Variants in SORCS1 observed in about 807,000 individuals in gnomAD.
SORCS1 encodes the protein VPS10 domain-containing receptor SorCS1.
SORCS1 carries 60 observed loss-of-function variants against 146.1 expected under a neutral mutation model. The ratio of observed to expected loss-of-function variants is 0.41; its 90% CI spans 0.33 to 0.51. The LOEUF is 0.51. SORCS1 is among the 20% of genes least tolerant of loss of function. SORCS1 has a pLI of 0.21. For synonymous variants in SORCS1, 637 were observed against 584.0 expected (o/e 1.09, Z -1.31); for missense variants, 1,352 against 1,487.6 (o/e 0.91, Z 1.50).
In SORCS1 at chr10:107,060,093, A is replaced by G. The variant is rs778912659; in HGVS notation, c.559-103513T>C. Among the ~76,000 whole-genome samples the G allele has an allele frequency of 1.6e-4, 24 of 152,058 alleles. No individual in the cohort carries two copies. Among genetic ancestry groups the G allele is most frequent in the Non-Finnish European group, 2.6e-4 (18 of 68,004 alleles). Reference sequence around the variant, plus strand: ...CATTGATAGCACATAGCTGTACTCTAGCTGACAAATCGCCTGCCAGACCTC... The same window carrying G: ...CATTGATAGCACATAGCTGTACTCTGGCTGACAAATCGCCTGCCAGACCTC... On this transcript the variant is annotated intron_variant, in intron 1 of 25. Coordinates refer to ENST00000263054, the MANE Select transcript of SORCS1 (RefSeq NM_052918.5). This position sits in a 1 kb window ranked among gnomAD's most constrained non-coding sequence, Gnocchi z 4.1.
chr10:106,875,324 G>A (rs1950556165), intron 2 of SORCS1, among the ~76,000 whole-genome samples: 1 of 152,188 alleles, frequency 6.6e-6, no homozygotes, highest in African/African-American at 2.4e-5. Context: ...TAGTATCCCA[G>A]GATGTATATA....
chr10:107,117,566 G>A (rs1218363474), intron 1 of SORCS1, among the ~76,000 whole-genome samples: 1 of 152,142 alleles, frequency 6.6e-6, no homozygotes, highest in Non-Finnish European at 1.5e-5. Flanking sequence ...CTTCCCTAGT[G>A]GGCCTAGAAG....
At chr10:106,963,632 A>C (rs890048645) in intron 1 of SORCS1, among the ~76,000 whole-genome samples, 5 of 152,078 alleles carry the variant, frequency 3.3e-5, no homozygotes, top group African/African-American at 1.2e-4. Flanking sequence ...ATAAAACAAT[A>C]AATATAACTT....
intron 2 of SORCS1, among the ~76,000 whole-genome samples, chr10:106,854,575 T>G (rs1383346514): frequency 1.3e-5 from 2 of 151,702 alleles, no homozygotes; most frequent in African/African-American, 4.8e-5. Context: ...ATTGAGCATT[T>G]TATACGAATT....
At chr10:107,019,744 G>A (rs948012498) in intron 1 of SORCS1, among the ~76,000 whole-genome samples, 2 of 152,268 alleles carry the variant, frequency 1.3e-5, no homozygotes, top group African/African-American at 4.8e-5. Context: ...TCCAACAGCA[G>A]GTATCTGTCA....
At chr10:106,668,298 A>G (rs1455619097) in intron 16 of SORCS1, among the ~76,000 whole-genome samples, 1 of 152,196 alleles carries the variant, frequency 6.6e-6, no homozygotes, top group Non-Finnish European at 1.5e-5. Context: ...TACACTCCAT[A>G]TGCTTCAAAG....
chr10:107,072,749 GAA>G (rs11330632), intron 1 of SORCS1, among the ~76,000 whole-genome samples: 3 of 131,042 alleles, frequency 2.3e-5, no homozygotes, highest in Admixed American at 7.7e-5. Context: ...AATTAAAAAA[GAA>G]AAAAAAAAGA....
intron 2 of SORCS1, among the ~76,000 whole-genome samples, chr10:106,906,870 A>G (rs1274368085): frequency 6.6e-6 from 1 of 152,238 alleles, no homozygotes; most frequent in Admixed American, 6.5e-5. Context: ...CACCCAGGGA[A>G]GGGGCTGAGT....
intron 18 of SORCS1, among the ~76,000 whole-genome samples, chr10:106,650,408 T>A (rs1041928559): frequency 6.6e-6 from 1 of 152,228 alleles, no homozygotes; most frequent in African/African-American, 2.4e-5. Context: ...TGAATTCAAA[T>A]CTTTATCTCC....
intron 1 of SORCS1, among the ~76,000 whole-genome samples, chr10:107,150,344 A>G (rs1306983364): frequency 2.0e-5 from 3 of 152,232 alleles, no homozygotes; most frequent in African/African-American, 4.8e-5. Flanking sequence ...CCGACTTCCA[A>G]AACAAAATCA....
At chr10:106,838,339 T>A (rs1948872584) in intron 2 of SORCS1, among the ~76,000 whole-genome samples, 1 of 152,186 alleles carries the variant, frequency 6.6e-6, no homozygotes, top group Admixed American at 6.5e-5. Context: ...GTAGTTCTCA[T>A]ATAGCCCATC....
intron 2 of SORCS1, among the ~76,000 whole-genome samples, chr10:106,856,961 T>C (rs7072684): frequency 0.97 from 146,980 of 152,306 alleles, 71,154 homozygotes; most frequent in East Asian, 1. Flanking sequence ...TCAGTTTCTT[T>C]AGCTTTTAAC....
At chr10:106,746,523 A>G (rs533515652) in intron 5 of SORCS1, among the ~76,000 whole-genome samples, 1 of 152,356 alleles carries the variant, frequency 6.6e-6, no homozygotes, top group South Asian at 2.1e-4. Flanking sequence ...AAACAACTGT[A>G]TCACTTCAGC....
rs574748892 is a variant in SORCS1, at chr10:106,579,942, A to G, written c.3266-468T>C. On this transcript the variant is annotated intron_variant, in intron 24 of 25. Coordinates refer to ENST00000263054, the MANE Select transcript of SORCS1 (RefSeq NM_052918.5). ...GCTGCTAGTATTAGTATTATTAATC[A>G]ATATTTATAATATAATAATTATATT... 4.6e-5 allele frequency among the ~76,000 whole-genome samples: 7 copies of G among 151,770 alleles called. No homozygotes were observed. In the South Asian group the frequency reaches 1.5e-3, roughly 32 times the overall value.
intron 15 of SORCS1, 56 bp downstream of exon 15, chr10:106,672,812 C>G: frequency 6.8e-7 from 1 of 1,473,458 alleles, no homozygotes; most frequent in Non-Finnish European, 9.5e-7. Flanking sequence ...CTAGCTTTCC[C>G]CCAACACCAC....
intron 1 of SORCS1, among the ~76,000 whole-genome samples, chr10:107,075,514 G>C (rs1447752758): frequency 6.6e-6 from 1 of 152,056 alleles, no homozygotes; most frequent in African/African-American, 2.4e-5. Flanking sequence ...TATAGAAGCA[G>C]GATTGTTGAT....
At chr10:106,587,432 T>C (rs17120993) in intron 24 of SORCS1, among the ~76,000 whole-genome samples, 5,807 of 152,354 alleles carry the variant, frequency 0.038, 305 homozygotes, top group East Asian at 0.24. Context: ...GCTGAGATTA[T>C]ATTGTAGTTT....
chr10:107,123,028 T>G (rs931828798), intron 1 of SORCS1, among the ~76,000 whole-genome samples: 1 of 151,898 alleles, frequency 6.6e-6, no homozygotes, highest in Non-Finnish European at 1.5e-5. Context: ...CCCTTTCTTT[T>G]TTTCACTTTG....
intron 2 of SORCS1, among the ~76,000 whole-genome samples, chr10:106,880,366 T>A (rs1435598618): frequency 6.6e-6 from 1 of 152,122 alleles, no homozygotes; most frequent in African/African-American, 2.4e-5. Flanking sequence ...AAAGAAAAAA[T>A]ACCTATGAAC....
Sources: gnomAD v4.1 joint callset for allele counts (sites outside exome capture counted in the v4.1 genomes callset) on GRCh38, gnomAD v4.1.1 for gene constraint, Gnocchi (gnomAD v3.1) non-coding constraint, MANE v1.5 for transcripts, NCBI Gene and HGNC (gene_info 2026-07-23, HGNC 2026-07-21) for gene names.